Variants in PRICKLE2 observed in about 807,000 individuals in gnomAD.
PRICKLE2 encodes prickle-like protein 2.
Under a neutral mutation model 81.4 loss-of-function variants are expected in PRICKLE2, and 21 were observed. The observed-to-expected ratio is 0.26, with a 90% CI of 0.18 to 0.37. The LOEUF is 0.37. Ranked by LOEUF, PRICKLE2 falls within the 10% of genes least tolerant of loss-of-function variation. PRICKLE2 has a pLI of 1.00. For missense variants in PRICKLE2, 940 were observed against 1,109.0 expected, an observed-to-expected ratio of 0.85 and a Z score of 2.16; for synonymous variants, 456 against 421.5, an observed-to-expected ratio of 1.08 and a Z score of -1.00.
intron 2 of PRICKLE2, among the ~76,000 whole-genome samples, chr3:64,263,982 C>T (rs997738902): frequency 3.3e-5 from 5 of 152,030 alleles, no homozygotes; most frequent in Admixed American, 1.3e-4. Context: ...AAGCAGGCTT[C>T]GGCAGAGTGG....
Position 64,235,368 on chromosome 3 carries a change from C to T in PRICKLE2, c.129-36401G>A, listed in dbSNP as rs114288856. Among the ~76,000 whole-genome samples, 664 of 152,280 alleles carry T rather than the reference C, an allele frequency of 4.4e-3. 4 individuals are homozygous for T. Among genetic ancestry groups the T allele is most frequent in the African/African-American group, 0.015 (634 of 41,560 alleles). On this transcript the variant is annotated intron_variant, in intron 2 of 8. Coordinates refer to the PRICKLE2 transcript ENST00000295902. ...CTTTGAAGTCTTTGCCTGCTAGCTC[C>T]AACATTTGGACCCTCTCACGGGCAG...
chr3:64,122,249 T>C (rs916833352), intron 7 of PRICKLE2, among the ~76,000 whole-genome samples: 5 of 152,142 alleles, frequency 3.3e-5, no homozygotes, highest in Non-Finnish European at 7.3e-5. Flanking sequence ...TTTGTCTACC[T>C]CATCATCTGT....
chr3:64,175,459 A>T (rs998861196), intron 2 of PRICKLE2, among the ~76,000 whole-genome samples: 2 of 152,136 alleles, frequency 1.3e-5, no homozygotes, highest in African/African-American at 4.8e-5. Context: ...TCTTGGCCTT[A>T]TTTGAATATT....
chr3:64,233,105 T>C (rs2079129749), intron 2 of PRICKLE2, among the ~76,000 whole-genome samples: 3 of 152,172 alleles, frequency 2.0e-5, no homozygotes, highest in Non-Finnish European at 4.4e-5. Flanking sequence ...ACACTGAACA[T>C]TTTCCAGCCC....
intron 2 of PRICKLE2, among the ~76,000 whole-genome samples, chr3:64,195,384 T>A (rs1270701175): frequency 2.0e-5 from 3 of 152,234 alleles, no homozygotes; most frequent in Non-Finnish European, 4.4e-5. Context: ...TGAAGGCATT[T>A]CTCAGGAGAA....
rs2076535889 is a variant in PRICKLE2, at chr3:64,094,016, T to C, written c.*5035A>G. 1 of 152,606 alleles carries C rather than the reference T, an allele frequency of 6.6e-6. No individual in the cohort carries two copies. Among genetic ancestry groups the C allele is most frequent in the African/African-American group, 2.4e-5 (1 of 41,436 alleles). 9.5% of individuals were successfully genotyped at this position (152,606 alleles called of 1,614,324 possible). On this transcript the variant is annotated 3_prime_UTR_variant, in exon 8 of 8. Coordinates refer to ENST00000638394, the MANE Select transcript of PRICKLE2 (RefSeq NM_198859.4). ...CACCAAAGGCCTGTTGCAGACCTTCTTAACAAATAGCTTGACACTCAACAC... is the reference window on the plus strand; with the variant it reads ...CACCAAAGGCCTGTTGCAGACCTTCCTAACAAATAGCTTGACACTCAACAC...
At chr3:64,226,153 T>G (rs559557533), upstream of PRICKLE2, among the ~76,000 whole-genome samples, 7 of 152,282 alleles carry the variant, frequency 4.6e-5, no homozygotes, top group African/African-American at 1.7e-4. Context: ...TTCCATCTCC[T>G]CATTTTACAG....
chr3:64,099,386 C>T lies in PRICKLE2; in HGVS notation c.2200G>A (p.Glu734Lys). The change falls in exon 8 of 8, where the codon GAG becomes AAG. Residue 734 changes from glutamate (E) to lysine (K), a missense_variant. Physicochemically the swap from Glu to Lys is moderately conservative, Grantham distance 56. Around this residue, in one of 2 missense-constraint regions of PRICKLE2, gnomAD observed 670 missense variants for 717.2 expected, o/e 0.93. Coordinates refer to ENST00000638394, the MANE Select transcript of PRICKLE2 (RefSeq NM_198859.4). The surrounding 1 kb of genome is among the most constrained non-coding windows in gnomAD (Gnocchi z 4.3). ...DQFMRQRSFQ[E>K]SMGHGSRRDL... is the part of the protein sequence containing the mutation. ...CTCCGGGACCCATGCCCCATGCTCT[C>T]CTGGAAGCTCCGCTGGCGCATAAAT... 6.2e-7 allele frequency: 1 copy of T among 1,604,730 alleles called. No homozygotes were observed. The highest frequency in any genetic ancestry group is 8.5e-7 in the Non-Finnish European group (1 of 1,173,308).
intron 2 of PRICKLE2, among the ~76,000 whole-genome samples, chr3:64,180,023 C>A (rs757673538): frequency 2.0e-5 from 3 of 152,162 alleles, no homozygotes; most frequent in Non-Finnish European, 4.4e-5. Flanking sequence ...ACTAAACAGG[C>A]CAGAGTGGCT....
chr3:64,131,312 G>C (rs1483685924), intron 7 of PRICKLE2, among the ~76,000 whole-genome samples: 1 of 152,210 alleles, frequency 6.6e-6, no homozygotes, highest in Non-Finnish European at 1.5e-5. Flanking sequence ...GAGGGATCCA[G>C]ATCTTTGAGA....
chr3:64,193,691 C>G (rs927119136), intron 2 of PRICKLE2, among the ~76,000 whole-genome samples: 1 of 152,096 alleles, frequency 6.6e-6, no homozygotes, highest in African/African-American at 2.4e-5. Flanking sequence ...TGGGAGGTAC[C>G]CAGTGGGAGG....
At chr3:64,263,277 C>T (rs965960620) in intron 2 of PRICKLE2, among the ~76,000 whole-genome samples, 3 of 152,150 alleles carry the variant, frequency 2.0e-5, no homozygotes, top group Non-Finnish European at 4.4e-5. Context: ...ATCACTTGTA[C>T]CCGAAGGAGA....
At position 64,160,077 on chromosome 3, in the gene PRICKLE2, C is replaced by T; in HGVS notation, c.259G>A (p.Val87Ile). Residue 87 changes from valine to isoleucine, a missense_variant and splice_region_variant, in exon 4 of 8, where the codon GTT becomes ATT. Around this residue, in one of 2 missense-constraint regions of PRICKLE2, gnomAD observed 270 missense variants for 391.8 expected, o/e 0.69. Coordinates refer to ENST00000638394, the MANE Select transcript of PRICKLE2 (RefSeq NM_198859.4). ...TCATCCAGGGAGTTGCAATATCGAA[C>T]CTGAATAGACACAGACAATGGCATG... ...LHQLPPHDNEVRYCNSLDEEE... is the reference protein window; with the variant it reads ...LHQLPPHDNEIRYCNSLDEEE... The T allele has an allele frequency of 2.5e-6, 4 of 1,613,960 alleles. 1 individual carries two copies. In the South Asian group the frequency reaches 3.3e-5, roughly 13 times the overall value.
At chr3:64,161,978 A>C (rs1405897338) in intron 3 of PRICKLE2, among the ~76,000 whole-genome samples, 1 of 152,208 alleles carries the variant, frequency 6.6e-6, no homozygotes, top group African/African-American at 2.4e-5. Flanking sequence ...GCAGCAGTAA[A>C]GAGGATCATA....
At chr3:64,100,912 T>C (rs1044426857) in intron 7 of PRICKLE2, 13 of 152,238 alleles carry the variant, frequency 8.5e-5, no homozygotes, top group African/African-American at 2.9e-4. Flanking sequence ...TTCCTGGTCA[T>C]AGACAACATG....
At chr3:64,242,592 C>T (rs1345270580) in intron 2 of PRICKLE2, among the ~76,000 whole-genome samples, 1 of 152,278 alleles carries the variant, frequency 6.6e-6, no homozygotes, top group Non-Finnish European at 1.5e-5. Flanking sequence ...AACTAGCCAA[C>T]CCTGAGAGTC....
At chr3:64,127,616 T>C (rs2106979154) in intron 7 of PRICKLE2, among the ~76,000 whole-genome samples, 1 of 152,176 alleles carries the variant, frequency 6.6e-6, no homozygotes, top group South Asian at 2.1e-4. Context: ...GACTGAAGGC[T>C]TAAGGTCTCA....
At chr3:64,250,885 A>C (rs529203432) in intron 2 of PRICKLE2, among the ~76,000 whole-genome samples, 25 of 152,234 alleles carry the variant, frequency 1.6e-4, no homozygotes, top group African/African-American at 5.8e-4. Flanking sequence ...AATAACCAGC[A>C]CACCTCACTT....
chr3:64,126,146 TG>T (rs1298018476), intron 7 of PRICKLE2, among the ~76,000 whole-genome samples: 1 of 152,116 alleles, frequency 6.6e-6, no homozygotes, highest in Non-Finnish European at 1.5e-5. Context: ...ATGAAAAACT[TG>T]GGGGGCCTAC....
Sources: gnomAD v4.1 joint callset for allele counts (sites outside exome capture counted in the v4.1 genomes callset) on GRCh38, gnomAD v4.1.1 for gene constraint, gnomAD v4.1.1 regional missense constraint, Gnocchi (gnomAD v3.1) non-coding constraint, MANE v1.5 for transcripts, NCBI Gene and HGNC (gene_info 2026-07-23, HGNC 2026-07-21) for gene names.